The following PDE1A variants were observed in gnomAD, a reference collection of about 807,000 sequenced individuals.
PDE1A encodes the protein dual specificity calcium/calmodulin-dependent 3',5'-cyclic nucleotide phosphodiesterase 1A.
PDE1A carries 35 observed loss-of-function variants against 61.7 expected under a neutral mutation model. That is an observed-to-expected ratio of 0.57 (90% confidence interval 0.43 to 0.75). PDE1A has a LOEUF of 0.75. PDE1A is among the 30% of genes least tolerant of loss of function. PDE1A has a pLI of 0.00. For missense variants in PDE1A, 597 were observed against 630.6 expected, an observed-to-expected ratio of 0.95 and a Z score of 0.57; for synonymous variants, 232 against 213.2, an observed-to-expected ratio of 1.09 and a Z score of -0.77.
intron 2 of PDE1A, among the ~76,000 whole-genome samples, chr2:182,455,726 G>A (rs939022262): frequency 1.3e-5 from 2 of 151,964 alleles, no homozygotes; most frequent in African/African-American, 4.8e-5. Flanking sequence ...ATGGACACAG[G>A]AAGGGGAACA....
At chr2:182,522,492 A>G in intron 1 of PDE1A, 2 of 1,532,856 alleles carry the variant, frequency 1.3e-6, no homozygotes, top group Middle Eastern at 1.7e-4. Context: ...CTATCAAAAC[A>G]GTGCTGATGT....
intron 2 of PDE1A, among the ~76,000 whole-genome samples, chr2:182,493,843 C>T (rs901409315): frequency 6.6e-6 from 1 of 152,158 alleles, no homozygotes; most frequent in African/African-American, 2.4e-5. Context: ...CCAAACACCA[C>T]ATGTTAGGCT....
the PDE1A span, among the ~76,000 whole-genome samples, chr2:182,575,392 A>G: frequency 2.0e-5 from 3 of 151,866 alleles, no homozygotes; most frequent in African/African-American, 4.8e-5. Context: ...GTTGACTTAA[A>G]GATAGGAGGA....
chr2:182,463,841 C>T (rs1408313133), intron 2 of PDE1A, among the ~76,000 whole-genome samples: 3 of 152,114 alleles, frequency 2.0e-5, no homozygotes, highest in African/African-American at 7.2e-5. Context: ...CAAGTACAAG[C>T]TGTGGAAAAG....
the PDE1A span, among the ~76,000 whole-genome samples, chr2:182,575,259 C>T: frequency 6.6e-6 from 1 of 151,966 alleles, no homozygotes; most frequent in Non-Finnish European, 1.5e-5. Context: ...AAAAGACACC[C>T]TAATTGATCT....
chr2:182,315,320 T>C (rs1182932679), intron 1 of PDE1A, among the ~76,000 whole-genome samples: 2 of 152,176 alleles, frequency 1.3e-5, no homozygotes, highest in Non-Finnish European at 2.9e-5. Context: ...CAAGAATTAT[T>C]TTTTTACCAT....
chr2:182,274,081 A>G (rs1238041804), intron 1 of PDE1A, among the ~76,000 whole-genome samples: 2 of 152,054 alleles, frequency 1.3e-5, no homozygotes, highest in Admixed American at 6.6e-5. Flanking sequence ...GAAGGAGCAA[A>G]CCAGCCCTCT....
chr2:182,500,293 T>C (rs1370488547), intron 2 of PDE1A, among the ~76,000 whole-genome samples: 2 of 152,128 alleles, frequency 1.3e-5, no homozygotes, highest in Non-Finnish European at 2.9e-5. Context: ...TTCACTGAAG[T>C]GGTCATAGAA....
At chr2:182,671,637 T>TC in the PDE1A span, among the ~76,000 whole-genome samples, 1 of 147,040 alleles carries the variant, frequency 6.8e-6, no homozygotes, top group Admixed American at 6.8e-5. Context: ...TTTTTTTTTT[T>TC]TGAGACAAGT....
intron 1 of PDE1A, among the ~76,000 whole-genome samples, chr2:182,330,668 GC>G (rs1470790886): frequency 6.6e-6 from 1 of 152,012 alleles, no homozygotes; most frequent in Non-Finnish European, 1.5e-5. Context: ...CACTACCATC[GC>G]TGCAGCTCTA....
chr2:182,493,790 C>G (rs1688544950), intron 2 of PDE1A, among the ~76,000 whole-genome samples: 2 of 152,132 alleles, frequency 1.3e-5, no homozygotes, highest in Non-Finnish European at 2.9e-5. Context: ...ATGGATGGAG[C>G]TGGAAACCAT....
intron 1 of PDE1A, among the ~76,000 whole-genome samples, chr2:182,324,620 T>C (rs2124875922): frequency 6.6e-6 from 1 of 152,338 alleles, no homozygotes; most frequent in South Asian, 2.1e-4. Flanking sequence ...GGTTTCATAT[T>C]TTGCCCCAAA....
At chr2:182,527,326 AAATATATATATATATATATATATATATAT>A (rs1690791339), upstream of PDE1A, among the ~76,000 whole-genome samples, 3 of 21,728 alleles carry the variant, frequency 1.4e-4, no homozygotes, top group Non-Finnish European at 2.5e-4. Context: ...AAAAAAAAAA[AAATATATATATATATATATATATATATAT>A]ATATATATAT....
chr2:182,297,363 C>A (rs1383069237), intron 1 of PDE1A, among the ~76,000 whole-genome samples: 1 of 152,060 alleles, frequency 6.6e-6, no homozygotes, highest in Non-Finnish European at 1.5e-5. Flanking sequence ...ATTTCCTGAG[C>A]CCAGTGGAGA....
chr2:182,630,039 T>C, the PDE1A span, among the ~76,000 whole-genome samples: 1 of 152,180 alleles, frequency 6.6e-6, no homozygotes, highest in Non-Finnish European at 1.5e-5. Flanking sequence ...TTTTCTCTTT[T>C]GCCCATTTTT....
At chr2:182,447,586 A>G (rs79042111) in intron 2 of PDE1A, among the ~76,000 whole-genome samples, 26,995 of 151,988 alleles carry the variant, frequency 0.18, 2,822 homozygotes, top group Middle Eastern at 0.36. Context: ...TCCCTTCTAT[A>G]AGGCACACAT....
chr2:182,560,471 C>T, the PDE1A span, among the ~76,000 whole-genome samples: 1 of 151,198 alleles, frequency 6.6e-6, no homozygotes, highest in Non-Finnish European at 1.5e-5. Context: ...CATTGTTGGA[C>T]ATTTGGGTTG....
chr2:182,438,186 A>C (rs1012357316), intron 2 of PDE1A, among the ~76,000 whole-genome samples: 3 of 151,898 alleles, frequency 2.0e-5, no homozygotes, highest in East Asian at 3.9e-4. Flanking sequence ...CCTGATCTCC[A>C]AATTTAAGAC....
intron 13 of PDE1A, among the ~76,000 whole-genome samples, chr2:182,174,950 T>C (rs1274921918): frequency 3.9e-5 from 6 of 152,150 alleles, no homozygotes; most frequent in Non-Finnish European, 7.4e-5. Context: ...TGTGTCCATG[T>C]GTTCTCATTA....
Sources: allele counts gnomAD v4.1 joint callset (sites outside exome capture counted in the v4.1 genomes callset), GRCh38; gene constraint gnomAD v4.1.1; transcripts MANE v1.5; gene names NCBI Gene and HGNC (gene_info 2026-07-23, HGNC 2026-07-21).